The following WNT7B variants were observed in gnomAD, a reference collection of about 807,000 sequenced individuals.
WNT7B encodes Wnt family member 7B, also known as protein Wnt-7b.
WNT7B carries 19 observed loss-of-function variants against 38.2 expected under a neutral mutation model. The ratio of observed to expected loss-of-function variants is 0.50; its 90% confidence interval spans 0.35 to 0.73. The LOEUF is 0.73. Among genes scored for constraint, WNT7B ranks in the 30% least tolerant of loss-of-function variants. The pLI is 0.01. For missense variants in WNT7B, 423 were observed against 507.9 expected (o/e 0.83, Z 1.61); for synonymous variants, 243 against 209.3 (o/e 1.16, Z -1.39).
In WNT7B at chr22:45,922,820, G is replaced by A. The variant is rs1569107833; in HGVS notation, c.*36C>T. 1 of 1,566,954 alleles carries A rather than the reference G, an allele frequency of 6.4e-7. No homozygotes were observed. ...GAGTGGATGTGCAAAATGCCGCCGG[G>A]TTCCAGGGTGCCCGCGGCCGCCTCC... On this transcript the variant is annotated 3_prime_UTR_variant, in exon 4 of 4. Coordinates refer to ENST00000339464, the MANE Select transcript of WNT7B (RefSeq NM_058238.3).
chr22:45,929,318 T>G (rs1473357405), intron 3 of WNT7B, among the ~76,000 whole-genome samples: 1 of 151,824 alleles, frequency 6.6e-6, no homozygotes, highest in South Asian at 2.1e-4. Flanking sequence ...TGTCTGTGAG[T>G]TCCTTGGAGG....
At chr22:45,943,022 T>C (rs1157499543) in intron 2 of WNT7B, among the ~76,000 whole-genome samples, 1 of 149,796 alleles carries the variant, frequency 6.7e-6, no homozygotes, top group African/African-American at 2.5e-5. Flanking sequence ...AGTGTGCATG[T>C]GTATGTGTGT....
chr22:45,925,227 C>T (rs1931047315), intron 3 of WNT7B: 1 of 978,254 alleles, frequency 1.0e-6, no homozygotes, highest in African/African-American at 1.8e-5. Flanking sequence ...CGCAAAGTCT[C>T]ATCAGGTGGG....
intron 2 of WNT7B, among the ~76,000 whole-genome samples, chr22:45,948,517 C>A (rs1046410403): frequency 6.6e-6 from 1 of 152,368 alleles, no homozygotes. Flanking sequence ...CGGCTCTGCT[C>A]GGCTCCAGGA....
chr22:45,935,809 A>G (rs904864076), intron 2 of WNT7B: 2 of 985,298 alleles, frequency 2.0e-6, no homozygotes, highest in Non-Finnish European at 2.4e-6. Flanking sequence ...GGGATTTGCA[A>G]TAGGCCCATG....
At chr22:45,929,650 ATCCT>A (rs879322564) in intron 3 of WNT7B, among the ~76,000 whole-genome samples, 15,169 of 111,914 alleles carry the variant, frequency 0.14, 837 homozygotes, top group African/African-American at 0.16. Context: ...CCACTCATCC[ATCCT>A]TCCACCCACC....
intron 2 of WNT7B, among the ~76,000 whole-genome samples, chr22:45,940,968 T>A (rs939236663): frequency 2.0e-5 from 3 of 152,208 alleles, no homozygotes; most frequent in Non-Finnish European, 4.4e-5. Context: ...TTGGGGGCTG[T>A]ACCATGTTGC....
chr22:45,933,948 C>T (rs1325741417), intron 2 of WNT7B, among the ~76,000 whole-genome samples: 2 of 152,206 alleles, frequency 1.3e-5, no homozygotes, highest in African/African-American at 4.8e-5. Flanking sequence ...TGTCAGGGCA[C>T]TTGTCTGGCC....
Position 45,923,183 on chromosome 22 carries a change from C to T in WNT7B, c.723G>A (p.Val241=), listed in dbSNP as rs180995685. The part of the protein sequence containing the change: ...KYNAAVQVEV[V]RASRLRQPTF... ...TGGGCTGCCGCAGACGGCTGGCCCG[C>T]ACCACCTCCACCTGCACGGCCGCGT... The change falls in exon 4 of 4, where the codon GTG becomes GTA. Residue 241 remains valine (V), a synonymous_variant. Transcript: ENST00000339464. The T allele has an allele frequency of 5.6e-6, 9 of 1,613,002 alleles. 1 individual carries two copies. The Admixed American group carries it at 1.2e-4, about 21-fold the overall frequency.
In WNT7B at chr22:45,977,012, C is replaced by T. The variant is rs1223347645; in HGVS notation, c.-258G>A. 9 of 985,612 alleles carry T rather than the reference C, an allele frequency of 9.1e-6. No homozygotes were observed. The highest frequency in any genetic ancestry group is 6.2e-5 in the Admixed American group (1 of 16,186). The allele number at this position is 985,612 out of a possible 1,614,324, so 61.1% of individuals were successfully genotyped here. A position where few individuals can be genotyped will look rare whatever the true frequency, so the allele number is the denominator to read the frequency against. ...CGACCTCGAAGCCCGGTTGAGCGACCGTGGACCCCTGCAAGCGCGGGCCGG... is the reference window on the plus strand; with the variant it reads ...CGACCTCGAAGCCCGGTTGAGCGACTGTGGACCCCTGCAAGCGCGGGCCGG... On this transcript the variant is annotated 5_prime_UTR_variant, in exon 1 of 4. Transcript: ENST00000339464.
In WNT7B at chr22:45,927,064, G is replaced by A. The variant is rs972728636; in HGVS notation, c.571-3729C>T. The A allele has an allele frequency of 2.9e-5, 29 of 985,298 alleles. No individual in the cohort carries two copies. The East Asian group carries it at 5.7e-4, about 19-fold the overall frequency. 61.0% of individuals were successfully genotyped at this position (985,298 alleles called of 1,614,324 possible). A position where few individuals can be genotyped will look rare whatever the true frequency, so the allele number is the denominator to read the frequency against. On this transcript the variant is annotated intron_variant, in intron 3 of 3. Transcript: ENST00000339464. ...CCAAGAGAGGTGCCCTCAGCTGTCCGGACAACAGCCCCCAGGCCTCTGCAG... is the reference window on the plus strand; with the variant it reads ...CCAAGAGAGGTGCCCTCAGCTGTCCAGACAACAGCCCCCAGGCCTCTGCAG...
rs528695154 is a variant in WNT7B at position 45,953,509 on chromosome 22, T to G, written c.72-3363A>C. ...ATGAGTAAATGAACAAGTCAGTACT[T>G]AAGAACCACATCTGAAAGAACTACA... On this transcript the variant is annotated intron_variant, in intron 1 of 3. Transcript: ENST00000339464. 2.1e-4 allele frequency among the ~76,000 whole-genome samples: 32 copies of G among 152,196 alleles called. 1 individual carries two copies. In the South Asian group the frequency reaches 6.0e-3, roughly 29 times the overall value.
rs978777688 is a variant in WNT7B, at chr22:45,975,331, C to T, written c.71+1353G>A. On this transcript the variant is annotated intron_variant, in intron 1 of 3. Transcript: ENST00000339464. This position sits in a 1 kb window ranked among gnomAD's most constrained non-coding sequence, Gnocchi z 6.6. ...AAAGAGCAGCCTGCCCACTCCACCC[C>T]CCGCCCAGCAGGCTCAATGCCCCGC... 2.6e-5 allele frequency among the ~76,000 whole-genome samples: 4 copies of T among 152,130 alleles called. No individual in the cohort carries two copies. The highest frequency in any genetic ancestry group is 9.7e-5 in the African/African-American group (4 of 41,426).
chr22:45,926,970 AG>A (rs1237032975), intron 3 of WNT7B: 4 of 985,328 alleles, frequency 4.1e-6, no homozygotes, highest in Non-Finnish European at 4.8e-6. Flanking sequence ...TGGCCAGCTA[AG>A]GGGGTTCCCA....
intron 3 of WNT7B, chr22:45,927,201 G>A: frequency 2.0e-6 from 2 of 985,422 alleles, no homozygotes; most frequent in Non-Finnish European, 2.4e-6. Flanking sequence ...GGGCAGAGCT[G>A]GGGGCCGGGC....
intron 2 of WNT7B, among the ~76,000 whole-genome samples, chr22:45,939,947 G>C (rs1931605510): frequency 1.3e-5 from 2 of 152,194 alleles, no homozygotes; most frequent in Admixed American, 6.5e-5. Context: ...TGGAGAGTTA[G>C]ACAGCACCTG....
chr22:45,936,170 G>A (rs889103531), intron 2 of WNT7B: 16 of 985,314 alleles, frequency 1.6e-5, no homozygotes, highest in Middle Eastern at 5.2e-4. Flanking sequence ...TGTTTCCAGT[G>A]CAGGCTATCT....
intron 2 of WNT7B, among the ~76,000 whole-genome samples, chr22:45,933,169 C>A (rs543334453): frequency 8.7e-4 from 132 of 152,192 alleles, no homozygotes; most frequent in African/African-American, 3.1e-3. Context: ...GTCTGTCTGC[C>A]GTCATGGAGG....
chr22:45,941,163 C>G (rs9286453), intron 2 of WNT7B, among the ~76,000 whole-genome samples: 35,776 of 152,024 alleles, frequency 0.24, 5,119 homozygotes, highest in East Asian at 0.47. Flanking sequence ...AGAGTCTCAG[C>G]GTAGAGCTAA....
Sources: allele counts gnomAD v4.1 joint callset (sites outside exome capture counted in the v4.1 genomes callset), GRCh38; gene constraint gnomAD v4.1.1; non-coding constraint Gnocchi (gnomAD v3.1); transcripts MANE v1.5; gene names NCBI Gene and HGNC (gene_info 2026-07-23, HGNC 2026-07-21).